BRWD3: variants seen among roughly 807,000 people sequenced by gnomAD.
The protein encoded by BRWD3 is bromodomain and WD repeat domain containing 3.
BRWD3 carries 10 observed loss-of-function variants against 149.7 expected under a neutral mutation model. The observed-to-expected ratio is 0.07, with a 90% CI of 0.04 to 0.11. The LOEUF (loss-of-function observed/expected upper bound fraction) is 0.11. BRWD3 is among the 10% of genes least tolerant of loss of function. The probability of loss-of-function intolerance (pLI) is 1.00; values close to 1 mark genes in which losing one functional copy is unlikely to be tolerated. For synonymous variants in BRWD3, 504 were observed against 456.7 expected (o/e 1.10, Z -1.32); for missense variants, 940 against 1,373.2 (o/e 0.68, Z 4.99).
chrX:80,730,447 A>AAGAAAGAAAGAC (rs1555972947), intron 12 of BRWD3, among the ~76,000 whole-genome samples: 98 of 108,588 alleles, frequency 9.0e-4, no homozygotes, highest in African/African-American at 1.2e-3. Context: ...GAAAGAAAGA[A>AAGAAAGAAAGAC]AGACACAGTT....
In BRWD3 at chrX:80,809,553, G is replaced by T; in HGVS notation, c.-82C>A. On this transcript the variant is annotated 5_prime_UTR_variant, in exon 1 of 41. Coordinates refer to ENST00000373275, the MANE Select transcript of BRWD3 (RefSeq NM_153252.5). ...GGGGCGCTGCCTCTATTGTGGTGAA[G>T]CCCCCATGCCCGGGAGTCCCGCCGC... is the stretch of plus-strand genomic sequence containing the variant. The T allele has an allele frequency of 1.7e-6, 1 of 594,284 alleles. No homozygotes were observed. The highest frequency in any genetic ancestry group is 2.6e-6 in the Non-Finnish European group (1 of 379,934). 49.0% of individuals were successfully genotyped at this position (594,284 alleles called of 1,213,427 possible).
At chrX:80,773,620 C>T (rs1388499276) in intron 6 of BRWD3, among the ~76,000 whole-genome samples, 1 of 111,781 alleles carries the variant, frequency 8.9e-6, no homozygotes, top group Non-Finnish European at 1.9e-5. Context: ...CAGGTATTAA[C>T]ATCCAACCAT....
Position 80,809,720 on chromosome X carries a change from TGAGA to T in BRWD3, c.-253_-250del, listed in dbSNP as rs1057516007. On this transcript the variant is annotated 5_prime_UTR_variant, in exon 1 of 41. Transcript: ENST00000373275. ...GAGAGGGAGAGAGAGAGTGAGTGAG[TGAGA>T]GAGAGAGAGAGAAGAGAGAGAGAGA... 1 of 222,828 alleles carries T rather than the reference TGAGA, an allele frequency of 4.5e-6. No homozygotes were observed. The highest frequency in any genetic ancestry group is 5.1e-5 in the African/African-American group (1 of 19,762). The allele number at this position is 222,828 out of a possible 1,213,427, so 18.4% of individuals were successfully genotyped here.
chrX:80,783,646 C>T, intron 6 of BRWD3, among the ~76,000 whole-genome samples: 1 of 111,092 alleles, frequency 9.0e-6, no homozygotes, highest in East Asian at 2.8e-4. Flanking sequence ...GTACTATTCA[C>T]AGTAGCCAAG....
intron 6 of BRWD3, among the ~76,000 whole-genome samples, chrX:80,759,796 C>T (rs1007209130): frequency 9.0e-6 from 1 of 111,132 alleles, no homozygotes; most frequent in African/African-American, 3.3e-5. Context: ...AGGGCAGTGT[C>T]GAGCATTAGT....
At chrX:80,698,789 G>A (rs758803997) in intron 25 of BRWD3, among the ~76,000 whole-genome samples, 3 of 110,266 alleles carry the variant, frequency 2.7e-5, no homozygotes, top group Non-Finnish European at 3.8e-5. Context: ...ACTTGATGAC[G>A]AATAGATGGG....
intron 6 of BRWD3, among the ~76,000 whole-genome samples, chrX:80,753,146 T>C (rs1264377618): frequency 8.9e-6 from 1 of 112,070 alleles, no homozygotes; most frequent in African/African-American, 3.2e-5. Context: ...TCTCCAATTC[T>C]ACACATTCTA....
chrX:80,805,513 A>G (rs997265568), intron 4 of BRWD3, among the ~76,000 whole-genome samples: 1 of 111,740 alleles, frequency 8.9e-6, no homozygotes, highest in African/African-American at 3.3e-5. Flanking sequence ...TAATGCTGCT[A>G]TATAATGTAA....
intron 6 of BRWD3, among the ~76,000 whole-genome samples, chrX:80,761,989 G>A (rs1326448193): frequency 9.0e-6 from 1 of 111,385 alleles, no homozygotes; most frequent in African/African-American, 3.3e-5. Flanking sequence ...ATATCCTAAT[G>A]AAATTTTCAT....
At chrX:80,770,971 G>A (rs1038367563) in intron 6 of BRWD3, among the ~76,000 whole-genome samples, 2 of 111,215 alleles carry the variant, frequency 1.8e-5, no homozygotes, top group Admixed American at 1.9e-4. Flanking sequence ...GACAAACAGA[G>A]AGCCAAATCA....
At chrX:80,700,293 A>C (rs1389839657) in intron 24 of BRWD3, among the ~76,000 whole-genome samples, 1 of 106,638 alleles carries the variant, frequency 9.4e-6, no homozygotes, top group African/African-American at 3.4e-5. Flanking sequence ...CTTTCCCTTC[A>C]ATCAGCTTCA....
At chrX:80,755,571 C>T (rs1476897965) in intron 6 of BRWD3, among the ~76,000 whole-genome samples, 1 of 111,862 alleles carries the variant, frequency 8.9e-6, no homozygotes, top group Non-Finnish European at 1.9e-5. Context: ...AGGAAAATAA[C>T]TTGGCAATAT....
Position 80,691,069 on chromosome X carries a change from C to T in BRWD3, c.3586G>A (p.Glu1196Lys). The T allele has an allele frequency of 8.3e-7, 1 of 1,208,869 alleles. No individual in the cohort carries two copies. The highest frequency in any genetic ancestry group is 1.1e-6 in the Non-Finnish European group (1 of 894,089). Residue 1196 changes from glutamate (E) to lysine (K), a missense_variant, in exon 31 of 41, where the codon GAA (glutamate) becomes AAA (lysine). Glu to Lys is a moderately conservative substitution (Grantham distance 56, BLOSUM62 1). Transcript: ENST00000373275. ...AAAACAGACCTGTAAAAGCGATTTT[C>T]AAGTCTCCGCCTGATGGTATTGAGG... ...TDLNTIRRRL[E>K]NRFYRRISAL...
chrX:80,681,317 T>C (rs750368538), intron 40 of BRWD3, 24 bp downstream of exon 40: 2 of 1,193,527 alleles, frequency 1.7e-6, no homozygotes, highest in Non-Finnish European at 1.1e-6. Context: ...ATAATAAATG[T>C]CTTGTCCTGT....
chrX:80,712,134 T>C (rs1056780730), intron 20 of BRWD3, among the ~76,000 whole-genome samples: 2 of 111,211 alleles, frequency 1.8e-5, no homozygotes, highest in African/African-American at 6.5e-5. Flanking sequence ...AGGAGAGAGT[T>C]GTTTAAAATA....
intron 14 of BRWD3, among the ~76,000 whole-genome samples, chrX:80,726,234 CAT>C (rs1471997018): frequency 1.1e-5 from 1 of 93,124 alleles, no homozygotes; most frequent in Admixed American, 1.1e-4. Context: ...AACACGTTTA[CAT>C]GTTATATGTC....
At chrX:80,710,240 G>A (rs778111956) in intron 20 of BRWD3, 53 of 397,555 alleles carry the variant, frequency 1.3e-4, no homozygotes, top group Admixed American at 2.3e-4. Context: ...GTCTTCTCTT[G>A]TATCTCTAAT....
chrX:80,735,874 C>A, intron 9 of BRWD3, 114 bp downstream of exon 9: 4 of 455,973 alleles, frequency 8.8e-6, no homozygotes, highest in South Asian at 3.8e-5. Flanking sequence ...TATGTATACA[C>A]AAATACACAT....
intron 6 of BRWD3, among the ~76,000 whole-genome samples, chrX:80,779,459 G>A (rs762511697): frequency 1.3e-4 from 14 of 110,491 alleles, no homozygotes; most frequent in Admixed American, 8.7e-4. Context: ...CAGGTGGAGC[G>A]GTTCATGCCT....
Sources: allele counts gnomAD v4.1 joint callset (sites outside exome capture counted in the v4.1 genomes callset), GRCh38; gene constraint gnomAD v4.1.1; transcripts MANE v1.5; gene names NCBI Gene and HGNC (gene_info 2026-07-23, HGNC 2026-07-21).